Variants in POLN observed in about 807,000 individuals in gnomAD.
POLN encodes the protein DNA polymerase N.
Under a neutral mutation model 113.5 loss-of-function variants are expected in POLN, and 108 were observed. That is an observed-to-expected ratio of 0.95 (90% confidence interval 0.81 to 1.12). The LOEUF (loss-of-function observed/expected upper bound fraction) is 1.12. POLN is among the 50% of genes most tolerant of loss of function. The pLI is 0.00. For missense variants in POLN, 1,097 were observed against 1,077.1 expected, an observed-to-expected ratio of 1.02 and a Z score of -0.26; for synonymous variants, 386 against 391.5, an observed-to-expected ratio of 0.99 and a Z score of 0.17.
chr4:2,212,424 G>T (rs1428493753), intron 4 of POLN, among the ~76,000 whole-genome samples: 1 of 152,090 alleles, frequency 6.6e-6, no homozygotes, highest in Non-Finnish European at 1.5e-5. Context: ...GCCCAGGCTG[G>T]AGTGTTGTGG....
intron 2 of POLN, chr4:2,230,693 CA>C (rs746008091): frequency 1.2e-4 from 18 of 151,744 alleles, no homozygotes; most frequent in East Asian, 1.2e-3. Context: ...AAAGACCACC[CA>C]AAACATGTAG....
chr4:2,104,527 A>G (rs1377595175), intron 19 of POLN, among the ~76,000 whole-genome samples: 1 of 152,200 alleles, frequency 6.6e-6, no homozygotes, highest in Non-Finnish European at 1.5e-5. Flanking sequence ...GGTTACTTTT[A>G]TTTTGTAGAA....
At chr4:2,104,389 T>A (rs1211227832) in intron 19 of POLN, among the ~76,000 whole-genome samples, 2 of 152,226 alleles carry the variant, frequency 1.3e-5, no homozygotes, top group African/African-American at 4.8e-5. Flanking sequence ...TGTTTCCATT[T>A]CTCTTGGGTA....
intron 13 of POLN, among the ~76,000 whole-genome samples, chr4:2,162,063 G>A (rs1179662561): frequency 1.3e-5 from 2 of 152,180 alleles, no homozygotes; most frequent in East Asian, 3.8e-4. Flanking sequence ...GATAGGGCCA[G>A]ATAAGAGAAT....
rs188506662 is a variant in POLN, at chr4:2,192,816, T to A, written c.1021+388A>T. On this transcript the variant is annotated intron_variant, in intron 7 of 25. Transcript: ENST00000511885. ...GACTCCATCTCTAAAAAAATAAAAA[T>A]ATATATATATATTTAAAATCTTTAC... Among the ~76,000 whole-genome samples the A allele has an allele frequency of 2.3e-3, 349 of 149,782 alleles. 1 individual carries two copies. The highest frequency in any genetic ancestry group is 7.7e-3 in the African/African-American group (316 of 41,230).
intron 20 of POLN, among the ~76,000 whole-genome samples, chr4:2,095,452 T>TGTTGAGATGTGGC (rs1447479038): frequency 2.6e-5 from 4 of 152,110 alleles, no homozygotes; most frequent in Admixed American, 2.0e-4. Flanking sequence ...GGAGATGGGG[T>TGTTGAGATGTGGC]GCATGTTGAG....
intron 15 of POLN, 21 bp from the exon 16 acceptor site, chr4:2,156,874 C>T (rs751231759): frequency 1.3e-6 from 2 of 1,579,968 alleles, no homozygotes; most frequent in Non-Finnish European, 1.7e-6. Flanking sequence ...TAAAAAGAAT[C>T]AGTGTAAACT....
At chr4:2,078,890 G>A in intron 23 of POLN, 2 of 985,422 alleles carry the variant, frequency 2.0e-6, no homozygotes, top group Non-Finnish European at 2.4e-6. Context: ...CTCCTCACAT[G>A]CCAACTTCCT....
rs113458297 is a variant in POLN, at chr4:2,199,856, T to C, written c.715-1139A>G. 2.4e-3 allele frequency among the ~76,000 whole-genome samples: 365 copies of C among 152,210 alleles called. 1 individual carries two copies. The highest frequency in any genetic ancestry group is 8.4e-3 in the African/African-American group (348 of 41,512). ...TCTCCCAAAGTGCTAGGATTACAGG[T>C]GTGAGCCACCACACCCAGCCAACAG... is the stretch of plus-strand genomic sequence containing the variant. On this transcript the variant is annotated intron_variant, in intron 5 of 25. Transcript: ENST00000511885.
intron 19 of POLN, among the ~76,000 whole-genome samples, chr4:2,115,549 T>C (rs1260181260): frequency 6.6e-6 from 1 of 152,232 alleles, no homozygotes; most frequent in South Asian, 2.1e-4. Context: ...GGGCCAGATA[T>C]CTCCTTTGTT....
At chr4:2,090,996 A>G (rs1378996622) in intron 20 of POLN, among the ~76,000 whole-genome samples, 1 of 152,180 alleles carries the variant, frequency 6.6e-6, no homozygotes, top group Non-Finnish European at 1.5e-5. Context: ...TGTATGTTCT[A>G]GCAGAGTTTC....
chr4:2,086,134 T>G (rs1730543653), intron 20 of POLN, among the ~76,000 whole-genome samples: 1 of 152,134 alleles, frequency 6.6e-6, no homozygotes, highest in Admixed American at 6.5e-5. Flanking sequence ...TTCAACATTT[T>G]GTTCTAGAAG....
intron 22 of POLN, 106 bp from the exon 23 acceptor site, chr4:2,081,142 T>G: frequency 6.2e-7 from 1 of 1,601,836 alleles, no homozygotes; most frequent in Non-Finnish European, 8.5e-7. Flanking sequence ...CACACAGAGG[T>G]GCTGGCTCTG....
intron 13 of POLN, among the ~76,000 whole-genome samples, chr4:2,168,852 G>A (rs1414525515): frequency 2.6e-5 from 4 of 152,218 alleles, no homozygotes; most frequent in East Asian, 1.9e-4. Context: ...ACCAGGAGCT[G>A]GTTTGGTTCT....
intron 16 of POLN, among the ~76,000 whole-genome samples, chr4:2,136,052 A>G (rs1200721033): frequency 6.6e-6 from 1 of 152,108 alleles, no homozygotes; most frequent in Non-Finnish European, 1.5e-5. Flanking sequence ...CAATCATGTT[A>G]TTTACATTAC....
intron 5 of POLN, among the ~76,000 whole-genome samples, chr4:2,205,987 C>T (rs888674043): frequency 2.6e-5 from 4 of 152,018 alleles, no homozygotes; most frequent in Non-Finnish European, 4.4e-5. Flanking sequence ...ATCACAGTAC[C>T]TGATTTCAAA....
intron 22 of POLN, 166 bp from the exon 23 acceptor site, chr4:2,081,202 C>T: frequency 1.3e-6 from 2 of 1,572,184 alleles, no homozygotes; most frequent in South Asian, 1.1e-5. Context: ...ACACTTCGTC[C>T]TTGCTCCTCC....
chr4:2,207,745 G>A (rs1248648445), intron 5 of POLN, among the ~76,000 whole-genome samples: 1 of 152,204 alleles, frequency 6.6e-6, no homozygotes, highest in East Asian at 1.9e-4. Flanking sequence ...TGACAAGGAG[G>A]TGGAGAATTT....
At chr4:2,186,410 T>C (rs1733274379) in intron 7 of POLN, among the ~76,000 whole-genome samples, 3 of 152,076 alleles carry the variant, frequency 2.0e-5, no homozygotes, top group Admixed American at 2.0e-4. Context: ...AGGAGGTACA[T>C]CCTACAGGTC....
Sources: gnomAD v4.1 joint callset for allele counts (sites outside exome capture counted in the v4.1 genomes callset) on GRCh38, gnomAD v4.1.1 for gene constraint, MANE v1.5 for transcripts, NCBI Gene and HGNC (gene_info 2026-07-23, HGNC 2026-07-21) for gene names.